Variants in ALDH1A2 observed in about 807,000 individuals in gnomAD.
ALDH1A2 encodes retinal dehydrogenase 2.
Under a neutral mutation model 60.3 loss-of-function variants are expected in ALDH1A2, and 27 were observed. That is an observed-to-expected ratio of 0.45 (90% confidence interval 0.33 to 0.62). The LOEUF (loss-of-function observed/expected upper bound fraction) is 0.62, where lower values mean the gene tolerates loss of function less well. Ranked by LOEUF, ALDH1A2 falls within the 20% of genes least tolerant of loss-of-function variation. The probability of loss-of-function intolerance (pLI) is 0.02; values close to 1 mark genes in which losing one functional copy is unlikely to be tolerated. For synonymous variants in ALDH1A2, 289 were observed against 232.4 expected (o/e 1.24, Z -2.21); for missense variants, 581 against 643.8 (o/e 0.90, Z 1.06).
intron 1 of ALDH1A2, among the ~76,000 whole-genome samples, chr15:58,055,951 C>G (rs1253668743): frequency 2.0e-5 from 3 of 152,018 alleles, no homozygotes; most frequent in Non-Finnish European, 4.4e-5. Flanking sequence ...CATGTTTTCT[C>G]CAAATCTATC....
intron 1 of ALDH1A2, among the ~76,000 whole-genome samples, chr15:58,045,366 C>T (rs1369413510): frequency 2.0e-5 from 3 of 152,036 alleles, no homozygotes; most frequent in Non-Finnish European, 2.9e-5. Context: ...ACTAGAAATA[C>T]CGTTTCACCC....
intron 1 of ALDH1A2, among the ~76,000 whole-genome samples, chr15:58,053,986 C>G (rs943568247): frequency 6.6e-6 from 1 of 152,084 alleles, no homozygotes; most frequent in African/African-American, 2.4e-5. Flanking sequence ...GTCGCCAATT[C>G]AATCCATTAA....
intron 4 of ALDH1A2, among the ~76,000 whole-genome samples, chr15:57,998,891 A>T (rs985924245): frequency 6.6e-6 from 1 of 152,150 alleles, no homozygotes; most frequent in Non-Finnish European, 1.5e-5. Context: ...ATCAGAGATA[A>T]GACCACACAT....
chr15:57,960,852 A>G lies in ALDH1A2; in HGVS notation c.1410-8T>C, dbSNP rs1342556179. On this transcript the variant is annotated splice_polypyrimidine_tract_variant and splice_region_variant and intron_variant, in intron 11 of 12. Coordinates refer to ENST00000249750, the MANE Select transcript of ALDH1A2 (RefSeq NM_003888.4). Reference sequence around the variant, plus strand: ...GCATTGTAACAATTGATCCTGAAAGAAGAAAACATAGCACTGTGAGTTCGT... The same window carrying G: ...GCATTGTAACAATTGATCCTGAAAGGAGAAAACATAGCACTGTGAGTTCGT... The G allele has an allele frequency of 1.2e-6, 2 of 1,613,078 alleles. No homozygotes were observed. The highest frequency in any genetic ancestry group is 2.7e-5 in the African/African-American group (2 of 74,932).
chr15:57,975,527 A>G (rs1168925793), intron 7 of ALDH1A2, among the ~76,000 whole-genome samples: 1 of 152,226 alleles, frequency 6.6e-6, no homozygotes, highest in African/African-American at 2.4e-5. Flanking sequence ...AAATGCTCCA[A>G]TGAGCCTTTC....
intron 1 of ALDH1A2, among the ~76,000 whole-genome samples, chr15:58,034,968 G>A (rs1896339699): frequency 6.6e-6 from 1 of 151,686 alleles, no homozygotes; most frequent in Non-Finnish European, 1.5e-5. Context: ...TTTGATATTA[G>A]GGTAACGATG....
intron 4 of ALDH1A2, among the ~76,000 whole-genome samples, chr15:57,999,093 A>G (rs957436988): frequency 6.6e-6 from 1 of 152,162 alleles, no homozygotes; most frequent in Non-Finnish European, 1.5e-5. Flanking sequence ...AAAACTATGA[A>G]AACTCTACAA....
At chr15:57,989,941 C>T (rs1202196232) in intron 7 of ALDH1A2, among the ~76,000 whole-genome samples, 2 of 53,676 alleles carry the variant, frequency 3.7e-5, no homozygotes, top group South Asian at 3.6e-4. Context: ...TGCAGTGAGC[C>T]GAGATTGCGT....
chr15:57,991,891 T>C (rs1225761661), intron 7 of ALDH1A2, among the ~76,000 whole-genome samples: 1 of 152,194 alleles, frequency 6.6e-6, no homozygotes, highest in Non-Finnish European at 1.5e-5. Flanking sequence ...TATCATCTGT[T>C]ACCTGGATCA....
intron 1 of ALDH1A2, among the ~76,000 whole-genome samples, chr15:58,020,253 C>T (rs1895890391): frequency 6.6e-6 from 1 of 152,136 alleles, no homozygotes; most frequent in African/African-American, 2.4e-5. Flanking sequence ...CACACCTTTG[C>T]TATTGTGAAT....
chr15:58,029,996 TC>T (rs1164513335), intron 1 of ALDH1A2, among the ~76,000 whole-genome samples: 5 of 152,054 alleles, frequency 3.3e-5, no homozygotes, highest in Non-Finnish European at 7.4e-5. Context: ...CTGAAACTAT[TC>T]CAATCAATAG....
chr15:58,053,298 T>C (rs1896821275), intron 1 of ALDH1A2, among the ~76,000 whole-genome samples: 1 of 152,144 alleles, frequency 6.6e-6, no homozygotes, highest in Admixed American at 6.5e-5. Flanking sequence ...GCAGAAATAC[T>C]CCAAAAATTG....
chr15:57,973,212 G>C (rs900248610), intron 7 of ALDH1A2, among the ~76,000 whole-genome samples: 2 of 152,228 alleles, frequency 1.3e-5, no homozygotes, highest in African/African-American at 2.4e-5. Flanking sequence ...CTTTATTGAA[G>C]TTGTTTATTG....
chr15:58,009,230 T>C (rs1895552586), intron 4 of ALDH1A2, among the ~76,000 whole-genome samples: 1 of 152,054 alleles, frequency 6.6e-6, no homozygotes, highest in South Asian at 2.1e-4. Context: ...CCTAACTTGG[T>C]TCTGCTGCAT....
intron 1 of ALDH1A2, among the ~76,000 whole-genome samples, chr15:58,015,790 A>G (rs1355718123): frequency 2.0e-5 from 3 of 152,236 alleles, no homozygotes; most frequent in Non-Finnish European, 4.4e-5. Context: ...TCCAATACAC[A>G]TAATTTCCAG....
At chr15:57,976,650 T>C (rs1440727164) in intron 7 of ALDH1A2, among the ~76,000 whole-genome samples, 1 of 152,220 alleles carries the variant, frequency 6.6e-6, no homozygotes, top group Admixed American at 6.6e-5. Flanking sequence ...ACATTTTCTT[T>C]ATCCAGTCTA....
At chr15:58,026,808 G>A (rs1896092313) in intron 1 of ALDH1A2, among the ~76,000 whole-genome samples, 1 of 152,192 alleles carries the variant, frequency 6.6e-6, no homozygotes. Flanking sequence ...CTGCAGCCTG[G>A]TCGGAGGAGG....
In ALDH1A2 at chr15:57,992,940, C is replaced by T; in HGVS notation, c.684+5G>A. 6.2e-7 allele frequency: 1 copy of T among 1,614,090 alleles called. No homozygotes were observed. Among genetic ancestry groups the T allele is most frequent in the African/African-American group, 1.3e-5 (1 of 75,044 alleles). On this transcript the variant is annotated splice_donor_5th_base_variant and intron_variant, in intron 6 of 12. Transcript: ENST00000249750. Reference sequence around the variant, plus strand: ...AGAAGCACTCCCGAAGTCCGTTTCTCTTACCTCCTTGATGAGGGCTCCCAT... The same window carrying T: ...AGAAGCACTCCCGAAGTCCGTTTCTTTTACCTCCTTGATGAGGGCTCCCAT...
At chr15:57,968,088 T>A (rs899130289) in intron 7 of ALDH1A2, among the ~76,000 whole-genome samples, 6 of 152,192 alleles carry the variant, frequency 3.9e-5, no homozygotes, top group African/African-American at 1.2e-4. Context: ...CTTCTGAGAA[T>A]GTCATTGTGC....
Sources: gnomAD v4.1 joint callset for allele counts (sites outside exome capture counted in the v4.1 genomes callset) on GRCh38, gnomAD v4.1.1 for gene constraint, MANE v1.5 for transcripts, NCBI Gene and HGNC (gene_info 2026-07-23, HGNC 2026-07-21) for gene names.